The following GREB1L variants were observed in gnomAD, a reference collection of about 807,000 sequenced individuals.
GREB1L encodes the protein GREB1 like retinoic acid receptor coactivator.
In GREB1L, 17 loss-of-function variants were observed where a neutral mutation model predicts 200.8. The ratio of observed to expected loss-of-function variants is 0.08; its 90% CI spans 0.06 to 0.13. The LOEUF is 0.13. Among genes scored for constraint, GREB1L ranks in the 10% least tolerant of loss-of-function variants. The probability of loss-of-function intolerance (pLI) is 1.00; values close to 1 mark genes in which losing one functional copy is unlikely to be tolerated. For synonymous variants in GREB1L, 789 were observed against 893.0 expected (o/e 0.88, Z 2.08); for missense variants, 1,657 against 2,367.7 (o/e 0.70, Z 6.23).
intron 1 of GREB1L, among the ~76,000 whole-genome samples, chr18:21,363,302 C>A (rs1046233107): frequency 8.3e-6 from 1 of 120,540 alleles, no homozygotes; most frequent in African/African-American, 3.0e-5. Context: ...CCCCCCCCCA[C>A]ACACACAAGA....
chr18:21,425,908 ATTTTC>A (rs2032529891), intron 7 of GREB1L, among the ~76,000 whole-genome samples: 1 of 151,930 alleles, frequency 6.6e-6, no homozygotes, highest in Non-Finnish European at 1.5e-5. Context: ...ATTCATGTAT[ATTTTC>A]TTTTGTTTGT....
intron 7 of GREB1L, among the ~76,000 whole-genome samples, chr18:21,407,555 T>A (rs890308916): frequency 6.6e-6 from 1 of 152,200 alleles, no homozygotes; most frequent in African/African-American, 2.4e-5. Flanking sequence ...TGAATTGCAT[T>A]GGTCAAATGA....
intron 1 of GREB1L, among the ~76,000 whole-genome samples, chr18:21,320,627 G>A (rs1051144256): frequency 2.6e-4 from 39 of 152,098 alleles, no homozygotes; most frequent in African/African-American, 6.5e-4. Flanking sequence ...TTAGCCGGGC[G>A]TAGTGGTGGG....
At chr18:21,342,566 GC>G (rs1324286612) in intron 1 of GREB1L, among the ~76,000 whole-genome samples, 2 of 152,132 alleles carry the variant, frequency 1.3e-5, no homozygotes, top group African/African-American at 4.8e-5. Context: ...CTGGAATGCT[GC>G]CTTTTGTTTA....
At chr18:21,286,190 G>A (rs2144519264) in intron 1 of GREB1L, among the ~76,000 whole-genome samples, 1 of 152,318 alleles carries the variant, frequency 6.6e-6, no homozygotes, top group Non-Finnish European at 1.5e-5. Context: ...ACTTTCAGAA[G>A]CAGTGGTTTA....
intron 12 of GREB1L, chr18:21,450,598 C>T (rs539653617): frequency 6.5e-6 from 1 of 153,936 alleles, no homozygotes; most frequent in South Asian, 2.1e-4. Flanking sequence ...TATAACCATG[C>T]AAGCACAATT....
At chr18:21,243,546 G>T (rs1307183444) in intron 1 of GREB1L, among the ~76,000 whole-genome samples, 4 of 152,118 alleles carry the variant, frequency 2.6e-5, no homozygotes, top group Non-Finnish European at 5.9e-5. Context: ...TTTAAACCTA[G>T]CCGTTTAAAT....
At chr18:21,450,720 C>G (rs1211713294) in intron 12 of GREB1L, 1 of 217,258 alleles carries the variant, frequency 4.6e-6, no homozygotes, top group Non-Finnish European at 9.1e-6. Context: ...GCTCACAGCC[C>G]CTGGCGGGGA....
intron 21 of GREB1L, among the ~76,000 whole-genome samples, chr18:21,497,528 CA>C (rs1266864902): frequency 6.6e-6 from 1 of 151,810 alleles, no homozygotes; most frequent in African/African-American, 2.4e-5. Context: ...CCTGTAGTCC[CA>C]GCTACCCTGG....
intron 1 of GREB1L, among the ~76,000 whole-genome samples, chr18:21,329,623 T>C (rs2039077135): frequency 6.6e-6 from 1 of 152,160 alleles, no homozygotes; most frequent in Non-Finnish European, 1.5e-5. Flanking sequence ...GCAGCATTAG[T>C]AGCCTATTGC....
intron 17 of GREB1L, among the ~76,000 whole-genome samples, chr18:21,484,586 G>A (rs1189513148): frequency 2.0e-5 from 3 of 152,204 alleles, no homozygotes; most frequent in Non-Finnish European, 4.4e-5. Context: ...GGAGGCCAAG[G>A]CGGGCGGATC....
intron 15 of GREB1L, among the ~76,000 whole-genome samples, chr18:21,465,430 C>T (rs1039777938): frequency 2.0e-5 from 3 of 151,982 alleles, no homozygotes; most frequent in African/African-American, 7.3e-5. Context: ...CAGGAGAATG[C>T]CTTTGCTCTT....
At chr18:21,253,161 C>T (rs1287438223) in intron 1 of GREB1L, among the ~76,000 whole-genome samples, 1 of 152,052 alleles carries the variant, frequency 6.6e-6, no homozygotes, top group Admixed American at 6.6e-5. Context: ...CTAAACTAGT[C>T]CTGCATGTTT....
intron 27 of GREB1L, among the ~76,000 whole-genome samples, chr18:21,511,792 G>A (rs911906204): frequency 2.2e-4 from 34 of 152,184 alleles, no homozygotes; most frequent in African/African-American, 7.7e-4. Context: ...GACTATAGGC[G>A]TATGCCACCA....
rs550696136 is a variant in GREB1L at position 21,409,523 on chromosome 18, C to T, written c.832+5529C>T. Among the ~76,000 whole-genome samples, 11 of 152,272 alleles carry T rather than the reference C, an allele frequency of 7.2e-5. No homozygotes were observed. In the South Asian group the frequency reaches 1.0e-3, roughly 14 times the overall value. On this transcript the variant is annotated intron_variant, in intron 7 of 32. Coordinates refer to ENST00000424526, the MANE Select transcript of GREB1L (RefSeq NM_001142966.3). ...ATAGTTGAAATGGGCAAATTTTATA[C>T]ATAAAGTATGCCTCAATTAAGCTAG...
At chr18:21,371,100 A>G (rs1019560587) in intron 2 of GREB1L, among the ~76,000 whole-genome samples, 4 of 152,112 alleles carry the variant, frequency 2.6e-5, no homozygotes, top group African/African-American at 9.7e-5. Context: ...AAAAAAATTA[A>G]TTACAATTAA....
At chr18:21,472,591 G>GTT (rs146558199) in intron 15 of GREB1L, among the ~76,000 whole-genome samples, 10 of 150,000 alleles carry the variant, frequency 6.7e-5, no homozygotes, top group East Asian at 5.9e-4. Context: ...CATTATATTG[G>GTT]TTTTTTTTTT....
chr18:21,454,258 A>T, intron 14 of GREB1L, 108 bp from the exon 15 acceptor site: 1 of 701,056 alleles, frequency 1.4e-6, no homozygotes, highest in Non-Finnish European at 2.4e-6. Context: ...ATTCGTAGTG[A>T]GAGTGTATTA....
chr18:21,308,561 G>A (rs1439030820), intron 1 of GREB1L, among the ~76,000 whole-genome samples: 2 of 152,160 alleles, frequency 1.3e-5, no homozygotes, highest in Non-Finnish European at 2.9e-5. Flanking sequence ...TGGAGGGATG[G>A]GCTTTGCCCT....
Sources: gnomAD v4.1 joint callset for allele counts (sites outside exome capture counted in the v4.1 genomes callset) on GRCh38, gnomAD v4.1.1 for gene constraint, MANE v1.5 for transcripts, NCBI Gene and HGNC (gene_info 2026-07-23, HGNC 2026-07-21) for gene names.